DNAAF1: variants seen among roughly 807,000 people sequenced by gnomAD.
The protein encoded by DNAAF1 is dynein axonemal assembly factor 1.
A neutral mutation model predicts 71.1 loss-of-function variants in DNAAF1; 65 were observed. The ratio of observed to expected loss-of-function variants is 0.91; its 90% CI spans 0.75 to 1.12. The LOEUF (loss-of-function observed/expected upper bound fraction) is 1.12. Ranked by LOEUF, DNAAF1 falls within the 50% of genes most tolerant of loss-of-function variation. The pLI, the probability that DNAAF1 is intolerant of heterozygous loss-of-function variation, is 0.00. For missense variants in DNAAF1, 1,178 were observed against 899.8 expected, an observed-to-expected ratio of 1.31 and a Z score of -3.96; for synonymous variants, 414 against 354.6, an observed-to-expected ratio of 1.17 and a Z score of -1.88.
chr16:84,170,351 G>C lies in DNAAF1; in HGVS notation c.1523G>C (p.Arg508Thr). 1 of 1,613,802 alleles carries C rather than the reference G, an allele frequency of 6.2e-7. No individual in the cohort carries two copies. Among genetic ancestry groups the C allele is most frequent in the Non-Finnish European group, 8.5e-7 (1 of 1,180,026 alleles). ...CCACCACCGCCCCTGGGAGCTGCCA[G>C]GGAAGGTAATGTGAGCGGAGAAACA... ...APPPPPLGAA[R>T]EEPTPQAVAT... Residue 508 changes from arginine (R) to threonine (T), a missense_variant, in exon 8 of 12, where the codon AGG (arginine) becomes ACG (threonine). Coordinates refer to ENST00000378553, the MANE Select transcript of DNAAF1 (RefSeq NM_178452.6).
chr16:84,177,509 A>G, intron 11 of DNAAF1: 1 of 483,170 alleles, frequency 2.1e-6, no homozygotes, highest in South Asian at 1.9e-5. Context: ...TTGTATTTTT[A>G]GTAGAGATGG....
chr16:84,167,533 C>T (rs1197219928), intron 7 of DNAAF1, among the ~76,000 whole-genome samples: 1 of 152,154 alleles, frequency 6.6e-6, no homozygotes, highest in Non-Finnish European at 1.5e-5. Context: ...AAAAGATGTG[C>T]CTGTCACTCT....
At chr16:84,148,596 C>CTCTCTCTTTTTTTTTTTTTTTTTTT in intron 1 of DNAAF1, among the ~76,000 whole-genome samples, 23 of 43,568 alleles carry the variant, frequency 5.3e-4, no homozygotes, top group Non-Finnish European at 6.6e-4. Context: ...CTCTCTCTCT[C>CTCTCTCTTTTTTTTTTTTTTTTTTT]TTTTTTTTTT....
chr16:84,174,113 C>T (rs1274748070), intron 9 of DNAAF1: 2 of 917,242 alleles, frequency 2.2e-6, no homozygotes, highest in African/African-American at 1.8e-5. Context: ...CAAAGCCAGA[C>T]AGCTAGAAAA....
At chr16:84,165,999 C>T (rs1463695562) in intron 7 of DNAAF1, 50 bp downstream of exon 7, 1 of 1,582,806 alleles carries the variant, frequency 6.3e-7, no homozygotes, top group Non-Finnish European at 8.6e-7. Flanking sequence ...TGAGATTAGG[C>T]AAGTCTAAGC....
At chr16:84,151,833 T>G (rs1026574768) in intron 3 of DNAAF1, among the ~76,000 whole-genome samples, 4 of 152,190 alleles carry the variant, frequency 2.6e-5, no homozygotes, top group African/African-American at 9.6e-5. Flanking sequence ...GCCAGAGGCC[T>G]TAATTTCTCA....
intron 9 of DNAAF1, chr16:84,173,548 C>T: frequency 4.1e-6 from 4 of 980,690 alleles, no homozygotes; most frequent in Non-Finnish European, 3.6e-6. Flanking sequence ...AAAAAAGAAA[C>T]AAAGGCCAGG....
At chr16:84,169,703 G>A (rs890605758) in intron 7 of DNAAF1, among the ~76,000 whole-genome samples, 156 bp from the exon 8 acceptor site, 7 of 152,136 alleles carry the variant, frequency 4.6e-5, no homozygotes, top group Admixed American at 6.5e-5. Flanking sequence ...TTACAGGCAC[G>A]AGCCACCGCG....
intron 6 of DNAAF1, among the ~76,000 whole-genome samples, chr16:84,161,972 G>C (rs2087736828): frequency 6.6e-6 from 1 of 152,114 alleles, no homozygotes; most frequent in Admixed American, 6.5e-5. Flanking sequence ...CTCTAGAATG[G>C]TGACTGGCAT....
At chr16:84,154,407 C>G (rs2087316958) in intron 3 of DNAAF1, among the ~76,000 whole-genome samples, 170 bp from the exon 4 acceptor site, 1 of 152,092 alleles carries the variant, frequency 6.6e-6, no homozygotes, top group Non-Finnish European at 1.5e-5. Flanking sequence ...CTTATCACCT[C>G]CCAAAAGTCC....
intron 5 of DNAAF1, among the ~76,000 whole-genome samples, chr16:84,157,694 G>A (rs1156826828): frequency 6.6e-6 from 1 of 152,032 alleles, no homozygotes; most frequent in Non-Finnish European, 1.5e-5. Context: ...TGAGTTTATT[G>A]TATACCGCTT....
intron 5 of DNAAF1, chr16:84,159,189 C>A: frequency 1.0e-6 from 1 of 1,001,008 alleles, no homozygotes; most frequent in Non-Finnish European, 1.2e-6. Flanking sequence ...GAAGGGCCGT[C>A]CATCCTGCGG....
chr16:84,172,871 C>G, intron 9 of DNAAF1: 1 of 1,022,768 alleles, frequency 9.8e-7, no homozygotes. Context: ...TTCAGTGTCC[C>G]ATCCCCTTGA....
chr16:84,159,662 T>C lies in DNAAF1; in HGVS notation c.742-13T>C, dbSNP rs909234172. 1.2e-6 allele frequency: 2 copies of C among 1,606,542 alleles called. No individual in the cohort carries two copies. The highest frequency in any genetic ancestry group is 1.7e-6 in the Non-Finnish European group (2 of 1,175,796). On this transcript the variant is annotated splice_polypyrimidine_tract_variant and intron_variant, in intron 5 of 11. Coordinates refer to ENST00000378553, the MANE Select transcript of DNAAF1 (RefSeq NM_178452.6). Reference sequence around the variant, plus strand: ...TTTCAGTAATCATTTTGGTTCTGCTTGTCTTCTTGCAGCGTGTACTGAATT... The same window carrying C: ...TTTCAGTAATCATTTTGGTTCTGCTCGTCTTCTTGCAGCGTGTACTGAATT...
intron 10 of DNAAF1, chr16:84,174,938 C>G (rs1224795550): frequency 1.1e-5 from 6 of 541,790 alleles, no homozygotes; most frequent in Non-Finnish European, 2.0e-5. Context: ...TCACTGCAAC[C>G]TCCACCTCCT....
Position 84,145,410 on chromosome 16 carries a change from C to CCCAGG in DNAAF1, c.-31_-30insCCAGG. On this transcript the variant is annotated 5_prime_UTR_variant, in exon 1 of 12. Transcript: ENST00000378553. ...CGCCGCGAACCTGGGCCCCCCAAAG[C>CCCAGG]TGCGGGGCGTTCGGTGTCGCCGAAG... is the stretch of plus-strand genomic sequence containing the variant. The CCCAGG allele has an allele frequency of 5.1e-6, 8 of 1,571,304 alleles. No homozygotes were observed. Among genetic ancestry groups the CCCAGG allele is most frequent in the Non-Finnish European group, 6.9e-6 (8 of 1,158,466 alleles).
intron 6 of DNAAF1, among the ~76,000 whole-genome samples, chr16:84,163,873 T>A (rs35166045): frequency 2.0e-5 from 3 of 149,362 alleles, no homozygotes; most frequent in African/African-American, 7.4e-5. Flanking sequence ...TTTTTTTTTT[T>A]GTGGGGGACA....
At chr16:84,166,774 G>A (rs955742884) in intron 7 of DNAAF1, among the ~76,000 whole-genome samples, 1 of 152,196 alleles carries the variant, frequency 6.6e-6, no homozygotes, top group Non-Finnish European at 1.5e-5. Context: ...GTGATGAGCT[G>A]TTTCAAACCA....
Position 84,145,624 on chromosome 16 carries a change from G to T in DNAAF1, c.124+60G>T, listed in dbSNP as rs1400251874. The T allele has an allele frequency of 3.6e-5, 55 of 1,529,512 alleles. 1 individual carries two copies. The South Asian group carries it at 6.4e-4, about 18-fold the overall frequency. 94.7% of individuals were successfully genotyped at this position (1,529,512 alleles called of 1,614,324 possible). On this transcript the variant is annotated intron_variant, in intron 1 of 11. Transcript: ENST00000378553. The stretch of plus-strand genomic sequence containing the variant: ...GGGGCAGACACGGCTAGGCGCTCCA[G>T]CCCCCTTCCCACACCACATACCCGA...
Sources: gnomAD v4.1 joint callset for allele counts (sites outside exome capture counted in the v4.1 genomes callset) on GRCh38, gnomAD v4.1.1 for gene constraint, MANE v1.5 for transcripts, NCBI Gene and HGNC (gene_info 2026-07-23, HGNC 2026-07-21) for gene names.